The following EIF4G3 variants were observed in gnomAD, a reference collection of about 807,000 sequenced individuals.
The protein encoded by EIF4G3 is eukaryotic translation initiation factor 4 gamma 3, also known as eIF-4-gamma 3.
Under a neutral mutation model 186.4 loss-of-function variants are expected in EIF4G3, and 34 were observed. That is an observed-to-expected ratio of 0.18 (90% CI 0.14 to 0.24). The LOEUF is 0.24. Among genes scored for constraint, EIF4G3 ranks in the 10% least tolerant of loss-of-function variants. EIF4G3 has a pLI of 1.00. For synonymous variants in EIF4G3, 673 were observed against 679.5 expected, an observed-to-expected ratio of 0.99 and a Z score of 0.15; for missense variants, 1,536 against 1,948.5, an observed-to-expected ratio of 0.79 and a Z score of 3.99.
At chr1:20,969,758 T>C (rs10916912) in intron 11 of EIF4G3, among the ~76,000 whole-genome samples, 162 bp from the exon 12 acceptor site, 5,010 of 152,216 alleles carry the variant, frequency 0.033, 274 homozygotes, top group African/African-American at 0.11. Context: ...ATCAGATAAA[T>C]GTAGGCCATT....
At chr1:21,120,387 C>T (rs1380180904) in intron 2 of EIF4G3, among the ~76,000 whole-genome samples, 1 of 151,782 alleles carries the variant, frequency 6.6e-6, no homozygotes, top group Non-Finnish European at 1.5e-5. Context: ...TATGTCCAGG[C>T]GCAGTGGCTC....
At chr1:20,967,113 A>G (rs1229079999) in intron 12 of EIF4G3, among the ~76,000 whole-genome samples, 1 of 152,186 alleles carries the variant, frequency 6.6e-6, no homozygotes. Context: ...GACACAGAAC[A>G]AAAAGATGTC....
intron 3 of EIF4G3, among the ~76,000 whole-genome samples, chr1:21,074,222 T>C (rs2095522106): frequency 6.6e-6 from 1 of 152,200 alleles, no homozygotes; most frequent in African/African-American, 2.4e-5. Flanking sequence ...GATGTTTAGA[T>C]ACTTACCTGG....
chr1:21,131,221 C>T (rs955583454), intron 2 of EIF4G3, among the ~76,000 whole-genome samples: 20 of 120,446 alleles, frequency 1.7e-4, no homozygotes, highest in African/African-American at 2.2e-4. Context: ...GCCTGGGCAA[C>T]AGAGTGAGAT....
At chr1:20,855,268 G>C (rs1263960171) in intron 25 of EIF4G3, among the ~76,000 whole-genome samples, 197 bp from the exon 26 acceptor site, 1 of 152,106 alleles carries the variant, frequency 6.6e-6, no homozygotes, top group Non-Finnish European at 1.5e-5. Context: ...CACTTCCCTG[G>C]ACTCCAGTTT....
At chr1:20,814,776 C>CCCCGCTCCCTCT (rs2060082586) in intron 34 of EIF4G3, among the ~76,000 whole-genome samples, 1 of 42,222 alleles carries the variant, frequency 2.4e-5, no homozygotes, top group Non-Finnish European at 6.1e-5. Context: ...CCTCCCCCTC[C>CCCCGCTCCCTCT]CCCTCCCCCT....
intron 3 of EIF4G3, among the ~76,000 whole-genome samples, chr1:21,062,442 C>G (rs2094966883): frequency 6.6e-6 from 1 of 152,050 alleles, no homozygotes; most frequent in East Asian, 1.9e-4. Flanking sequence ...AAATCAAAGT[C>G]AGAATCTCAG....
At chr1:20,885,946 C>G (rs918681875) in intron 19 of EIF4G3, among the ~76,000 whole-genome samples, 19 of 152,066 alleles carry the variant, frequency 1.2e-4, no homozygotes. Flanking sequence ...TAACTTAAGC[C>G]TGAATTACAT....
intron 10 of EIF4G3, among the ~76,000 whole-genome samples, chr1:20,978,042 C>A (rs28504484): frequency 6.6e-6 from 1 of 152,068 alleles, no homozygotes; most frequent in Non-Finnish European, 1.5e-5. Context: ...CAGAAATTAA[C>A]GGGAGACACT....
chr1:21,130,670 G>GA (rs1188717058), intron 2 of EIF4G3, among the ~76,000 whole-genome samples: 1 of 151,834 alleles, frequency 6.6e-6, no homozygotes, highest in Non-Finnish European at 1.5e-5. Context: ...CACACATATA[G>GA]AAAAAACCAC....
intron 4 of EIF4G3, among the ~76,000 whole-genome samples, chr1:21,039,089 TACAG>T (rs1229850526): frequency 6.6e-6 from 1 of 152,164 alleles, no homozygotes; most frequent in East Asian, 1.9e-4. Flanking sequence ...GGTACTGGCA[TACAG>T]ACAGACATAC....
intron 4 of EIF4G3, among the ~76,000 whole-genome samples, chr1:21,031,174 A>G (rs1436637438): frequency 1.3e-5 from 2 of 151,766 alleles, no homozygotes; most frequent in African/African-American, 4.8e-5. Context: ...CAGCAGAGTG[A>G]GACTGTCTCA....
chr1:21,068,391 A>AAAAAAAAAAAAC lies in EIF4G3; in HGVS notation c.-195-17398_-195-17397insGTTTTTTTTTTT, dbSNP rs1319008942. On this transcript the variant is annotated intron_variant, in intron 3 of 36. Transcript: ENST00000602326. ...CTCTGTCTTTAAAAAAAAAAAAAAA[A>AAAAAAAAAAAAC]AAAAAAAAACAGAATACTTCACATG... is the stretch of plus-strand genomic sequence containing the variant. 3.5e-3 allele frequency among the ~76,000 whole-genome samples: 527 copies of AAAAAAAAAAAAC among 149,072 alleles called. 5 individuals carry two copies. The highest frequency in any genetic ancestry group is 6.3e-3 in the Non-Finnish European group (420 of 66,842).
chr1:21,104,576 GCTGA>G (rs1167923992), intron 2 of EIF4G3, among the ~76,000 whole-genome samples: 1 of 152,132 alleles, frequency 6.6e-6, no homozygotes. Flanking sequence ...AATAACAGAG[GCTGA>G]CTATGTTGCG....
rs34197724 is a variant in EIF4G3 at position 21,176,231 on chromosome 1, T to TGCCGCCGCCGCCGCC, written c.-343_-329dup. On this transcript the variant is annotated 5_prime_UTR_variant, in exon 2 of 37. Coordinates refer to ENST00000602326, the MANE Select transcript of EIF4G3 (RefSeq NM_001391906.1). ...TGTTCGGGTGAGGAGGGGGGACCGC[T>TGCCGCCGCCGCCGCC]GCCGCCGCCGCCGCCGCCGCCGCCG... 91 of 346,392 alleles carry TGCCGCCGCCGCCGCC rather than the reference T, an allele frequency of 2.6e-4. No homozygotes were observed. Among genetic ancestry groups the TGCCGCCGCCGCCGCC allele is most frequent in the Middle Eastern group, 7.5e-4 (1 of 1,330 alleles). The allele number at this position is 346,392 out of a possible 1,614,324, so 21.5% of individuals were successfully genotyped here.
chr1:20,980,176 G>GA (rs111418686), intron 10 of EIF4G3, among the ~76,000 whole-genome samples, 158 bp downstream of exon 10: 90 of 141,090 alleles, frequency 6.4e-4, no homozygotes, highest in Non-Finnish European at 6.1e-4. Flanking sequence ...ATTTCTGGAA[G>GA]AAAAAAAAAA....
Position 20,981,041 on chromosome 1 carries a change from A to G in EIF4G3, c.378+7T>C, listed in dbSNP as rs2077851688. The G allele has an allele frequency of 1.3e-6, 2 of 1,536,950 alleles. No homozygotes were observed. Among genetic ancestry groups the G allele is most frequent in the Non-Finnish European group, 1.8e-6 (2 of 1,134,696 alleles). On this transcript the variant is annotated splice_region_variant and intron_variant, in intron 9 of 36. Transcript: ENST00000602326. ...GCTGGACCACCTAGGCCTCAAAGAT[A>G]CTTTACCTGTGGTATACAGTACTGA...
intron 18 of EIF4G3, 111 bp from the exon 19 acceptor site, chr1:20,886,482 G>A (rs1329620814): frequency 3.2e-6 from 3 of 942,608 alleles, no homozygotes; most frequent in Non-Finnish European, 4.6e-6. Flanking sequence ...GCAAAGATTG[G>A]GTACTAGGTA....
intron 12 of EIF4G3, among the ~76,000 whole-genome samples, chr1:20,952,303 C>T (rs543762273): frequency 3.2e-4 from 49 of 151,918 alleles, no homozygotes; most frequent in African/African-American, 4.6e-4. Flanking sequence ...TACAGGTGTG[C>T]GCCACCACAC....
Sources: allele counts gnomAD v4.1 joint callset (sites outside exome capture counted in the v4.1 genomes callset), GRCh38; gene constraint gnomAD v4.1.1; transcripts MANE v1.5; gene names NCBI Gene and HGNC (gene_info 2026-07-23, HGNC 2026-07-21).